Variants in GALNTL6 observed in about 807,000 individuals in gnomAD.
The protein encoded by GALNTL6 is polypeptide N-acetylgalactosaminyltransferase like 6, also known as polypeptide N-acetylgalactosaminyltransferase-like 6.
A neutral mutation model predicts 73.7 loss-of-function variants in GALNTL6; 46 were observed. That is an observed-to-expected ratio of 0.62 (90% CI 0.49 to 0.80). The LOEUF is 0.80. GALNTL6 is among the 30% of genes least tolerant of loss of function. The pLI is 0.00. For missense variants in GALNTL6, 604 were observed against 755.0 expected (o/e 0.80, Z 2.34); for synonymous variants, 259 against 263.7 (o/e 0.98, Z 0.17).
intron 2 of GALNTL6, among the ~76,000 whole-genome samples, chr4:172,109,486 T>G (rs1369060577): frequency 3.3e-4 from 50 of 152,204 alleles, no homozygotes; most frequent in Non-Finnish European, 1.3e-4. Context: ...ACAGGGCCAT[T>G]TGTTAGCCAT....
intron 5 of GALNTL6, among the ~76,000 whole-genome samples, chr4:172,616,657 T>G (rs1283805399): frequency 1.3e-5 from 2 of 151,330 alleles, no homozygotes; most frequent in African/African-American, 2.4e-5. Flanking sequence ...TGCCAGAACC[T>G]GAGTGTTCTA....
chr4:172,262,847 G>GA (rs1201424595), intron 3 of GALNTL6, among the ~76,000 whole-genome samples: 1 of 151,488 alleles, frequency 6.6e-6, no homozygotes, highest in Non-Finnish European at 1.5e-5. Flanking sequence ...TTGTTTGTCT[G>GA]AAAAAAGTTT....
rs185172724 is a variant in GALNTL6 at position 172,258,738 on chromosome 4, C to G, written c.247+28974C>G. 5.3e-5 allele frequency among the ~76,000 whole-genome samples: 8 copies of G among 151,294 alleles called. No individual in the cohort carries two copies. The East Asian group carries it at 1.6e-3, about 29-fold the overall frequency. On this transcript the variant is annotated intron_variant, in intron 3 of 12. Coordinates refer to ENST00000506823, the MANE Select transcript of GALNTL6 (RefSeq NM_001034845.3). The stretch of plus-strand genomic sequence containing the variant: ...GAACCCAATGTGTAGCCTTTTATCT[C>G]TCACCTCCATCCCATCATTCCTGTT...
chr4:172,535,849 A>G (rs1247257446), intron 5 of GALNTL6, among the ~76,000 whole-genome samples: 1 of 152,162 alleles, frequency 6.6e-6, no homozygotes, highest in Non-Finnish European at 1.5e-5. Flanking sequence ...CAAGTGTAAT[A>G]GATTTTGATT....
intron 2 of GALNTL6, among the ~76,000 whole-genome samples, chr4:172,038,668 C>T (rs923659222): frequency 1.3e-5 from 2 of 152,096 alleles, no homozygotes; most frequent in African/African-American, 2.4e-5. Context: ...GGTTGGTCAC[C>T]GGTCATTTGT....
At chr4:172,594,800 A>T (rs1409715018) in intron 5 of GALNTL6, among the ~76,000 whole-genome samples, 1 of 152,224 alleles carries the variant, frequency 6.6e-6, no homozygotes, top group Non-Finnish European at 1.5e-5. Flanking sequence ...TTGTATTTAT[A>T]GTACAAATCT....
At chr4:172,229,240 A>G (rs1019918305) in intron 2 of GALNTL6, among the ~76,000 whole-genome samples, 2 of 152,232 alleles carry the variant, frequency 1.3e-5, no homozygotes, top group African/African-American at 4.8e-5. Flanking sequence ...TAATGTTACT[A>G]CAAAGCCGTT....
chr4:171,834,953 A>G (rs1735063024), intron 2 of GALNTL6, among the ~76,000 whole-genome samples: 3 of 152,162 alleles, frequency 2.0e-5, no homozygotes, highest in South Asian at 4.1e-4. Flanking sequence ...ACAAGCCACA[A>G]TATTTCATAG....
chr4:172,666,527 CTG>C (rs1731676030), intron 5 of GALNTL6, among the ~76,000 whole-genome samples: 1 of 152,180 alleles, frequency 6.6e-6, no homozygotes, highest in Admixed American at 6.5e-5. Context: ...AAAAAAAATT[CTG>C]TGAGGACGTC....
rs1302872296 is a variant in GALNTL6, at chr4:172,580,729, A to AG, written c.554-228632_554-228631insG. Among the ~76,000 whole-genome samples, 10 of 152,288 alleles carry AG rather than the reference A, an allele frequency of 6.6e-5. No individual in the cohort carries two copies. The East Asian group carries it at 1.7e-3, about 26-fold the overall frequency. On this transcript the variant is annotated intron_variant, in intron 5 of 12. Coordinates refer to ENST00000506823, the MANE Select transcript of GALNTL6 (RefSeq NM_001034845.3). ...TATCACTGGGGAGAAACAGAAAAAA[A>AG]TACATTATTTAACTGTAGGATTTTT...
chr4:172,785,612 G>A (rs76661091), intron 5 of GALNTL6, among the ~76,000 whole-genome samples: 2,220 of 152,094 alleles, frequency 0.015, 113 homozygotes, highest in Admixed American at 0.095. Context: ...AAATAAAAAC[G>A]TATGATATAT....
chr4:172,813,842 A>G (rs1300627173), intron 7 of GALNTL6, 119 bp downstream of exon 7: 1 of 717,748 alleles, frequency 1.4e-6, no homozygotes, highest in Non-Finnish European at 2.2e-6. Flanking sequence ...GGCGGCAACA[A>G]TATGCAAAAC....
intron 2 of GALNTL6, among the ~76,000 whole-genome samples, chr4:172,118,044 T>C (rs929839298): frequency 6.6e-6 from 1 of 152,110 alleles, no homozygotes; most frequent in Non-Finnish European, 1.5e-5. Context: ...CTTTGTGCAT[T>C]AGAATATGTG....
chr4:172,042,302 T>C (rs1437473833), intron 2 of GALNTL6, among the ~76,000 whole-genome samples: 1 of 152,130 alleles, frequency 6.6e-6, no homozygotes, highest in Admixed American at 6.6e-5. Context: ...GTAAATAAAA[T>C]GATAGTGCCT....
chr4:172,060,553 T>A (rs1731168467), intron 2 of GALNTL6, among the ~76,000 whole-genome samples: 1 of 152,056 alleles, frequency 6.6e-6, no homozygotes, highest in Non-Finnish European at 1.5e-5. Flanking sequence ...AAATAAAACA[T>A]TTTATTTCTC....
chr4:172,145,948 T>C (rs1733916382), intron 2 of GALNTL6, among the ~76,000 whole-genome samples: 1 of 152,174 alleles, frequency 6.6e-6, no homozygotes, highest in Non-Finnish European at 1.5e-5. Context: ...AGAGGCAATT[T>C]TGGACAAGGA....
At chr4:172,735,848 A>T (rs1228146983) in intron 5 of GALNTL6, among the ~76,000 whole-genome samples, 1 of 152,186 alleles carries the variant, frequency 6.6e-6, no homozygotes, top group Admixed American at 6.5e-5. Context: ...GAGAAACAGT[A>T]CAAAAGAGAG....
intron 6 of GALNTL6, among the ~76,000 whole-genome samples, chr4:172,811,266 A>G (rs1741285081): frequency 1.3e-5 from 2 of 152,182 alleles, no homozygotes; most frequent in Admixed American, 1.3e-4. Context: ...CTTGGATGAA[A>G]AATTAGTCAT....
intron 2 of GALNTL6, among the ~76,000 whole-genome samples, chr4:172,158,892 G>A (rs964387624): frequency 1.3e-5 from 2 of 152,120 alleles, no homozygotes; most frequent in Non-Finnish European, 1.5e-5. Flanking sequence ...AAGAAAAAAT[G>A]TACAGGAATA....
Sources: gnomAD v4.1 joint callset for allele counts (sites outside exome capture counted in the v4.1 genomes callset) on GRCh38, gnomAD v4.1.1 for gene constraint, MANE v1.5 for transcripts, NCBI Gene and HGNC (gene_info 2026-07-23, HGNC 2026-07-21) for gene names.